SLC7A5: variants seen among roughly 807,000 people sequenced by gnomAD.
The protein encoded by SLC7A5 is large neutral amino acids transporter small subunit 1.
In SLC7A5, 23 loss-of-function variants were observed where a neutral mutation model predicts 50.2. That is an observed-to-expected ratio of 0.46 (90% confidence interval 0.33 to 0.65). The LOEUF is 0.65. Ranked by LOEUF, SLC7A5 falls within the 30% of genes least tolerant of loss-of-function variation. The pLI is 0.02. For missense variants in SLC7A5, 578 were observed against 684.4 expected (o/e 0.84, Z 1.73); for synonymous variants, 393 against 330.6 (o/e 1.19, Z -2.05).
chr16:87,844,998 G>C (rs2055132354), intron 2 of SLC7A5, among the ~76,000 whole-genome samples: 2 of 152,248 alleles, frequency 1.3e-5, no homozygotes, highest in South Asian at 4.1e-4. Flanking sequence ...CACAGAGACA[G>C]ATCCAGGGGA....
At chr16:87,842,585 T>G (rs2055095368) in intron 2 of SLC7A5, among the ~76,000 whole-genome samples, 1 of 152,252 alleles carries the variant, frequency 6.6e-6, no homozygotes, top group East Asian at 1.9e-4. Context: ...CGTGGCGTGC[T>G]GGATGCCTGC....
Position 87,861,832 on chromosome 16 carries a change from G to C in SLC7A5, c.538+7053C>G, listed in dbSNP as rs1244763652. ...TGGCTCAGGTCATGTGCTTCTGTGA[G>C]CTCCCCCTACGGCCTTGCCCCGAAT... On this transcript the variant is annotated intron_variant, in intron 1 of 9. Transcript: ENST00000261622. This position sits in a 1 kb window ranked among gnomAD's most constrained non-coding sequence, Gnocchi z 4.2. Among the ~76,000 whole-genome samples, 2 of 152,242 alleles carry C rather than the reference G, an allele frequency of 1.3e-5. No homozygotes were observed. Among genetic ancestry groups the C allele is most frequent in the Non-Finnish European group, 2.9e-5 (2 of 68,040 alleles).
At chr16:87,863,807 T>C (rs1434219789) in intron 1 of SLC7A5, among the ~76,000 whole-genome samples, 4 of 151,514 alleles carry the variant, frequency 2.6e-5, no homozygotes, top group Non-Finnish European at 2.9e-5. Flanking sequence ...CTGAGAACCT[T>C]GTTCTCAAAT....
At position 87,851,730 on chromosome 16, in the gene SLC7A5, C is replaced by T. The variant is rs547150259; in HGVS notation, c.658G>A (p.Gly220Arg). 2.2e-5 allele frequency: 35 copies of T among 1,612,490 alleles called. No homozygotes were observed. Among genetic ancestry groups the T allele is most frequent in the South Asian group, 3.3e-5 (3 of 91,062 alleles). ...GCCTGGGGGACGTACTCACCCTTCC[C>T]GATCTGGACGAAGCCCAGCAGGATG... ...LIILLGFVQI[G>R]KGDVSNLDPN... Residue 220 changes from glycine to arginine, a missense_variant, in exon 2 of 10, where the codon GGG becomes AGG. This residue lies in a region of SLC7A5 where 465 missense variants were observed against 594.6 expected (regional missense o/e 0.78). Transcript: ENST00000261622.
intron 1 of SLC7A5, among the ~76,000 whole-genome samples, chr16:87,867,815 C>A (rs913407530): frequency 1.3e-5 from 2 of 152,142 alleles, no homozygotes; most frequent in African/African-American, 4.8e-5. Flanking sequence ...CCTGAAATCC[C>A]ACAAGAAAAC....
intron 2 of SLC7A5, among the ~76,000 whole-genome samples, chr16:87,849,470 A>G (rs1659313275): frequency 1.3e-5 from 2 of 152,270 alleles, no homozygotes; most frequent in South Asian, 4.1e-4. Flanking sequence ...AAGTCGAACA[A>G]AAGCTCTTTG....
intron 1 of SLC7A5, among the ~76,000 whole-genome samples, chr16:87,855,789 C>T (rs749859266): frequency 6.6e-6 from 1 of 152,120 alleles, no homozygotes; most frequent in Non-Finnish European, 1.5e-5. Context: ...CTGTGGGCCC[C>T]GGCTGGGTGG....
intron 2 of SLC7A5, among the ~76,000 whole-genome samples, chr16:87,850,022 C>T (rs2055199913): frequency 1.3e-5 from 2 of 152,360 alleles, no homozygotes; most frequent in South Asian, 2.1e-4. Flanking sequence ...GAGCTCGCCT[C>T]GCTGTGGTGA....
chr16:87,862,141 G>T lies in SLC7A5; in HGVS notation c.538+6744C>A, dbSNP rs946705577. ...GTGGGGCTACAGGCTACAGGTGCTTGATACCCCAGGGGGGCCCTGGAACAG... is the reference window on the plus strand; with the variant it reads ...GTGGGGCTACAGGCTACAGGTGCTTTATACCCCAGGGGGGCCCTGGAACAG... On this transcript the variant is annotated intron_variant, in intron 1 of 9. Transcript: ENST00000261622. The surrounding 1 kb of genome is among the most constrained non-coding windows in gnomAD (Gnocchi z 5.3). Among the ~76,000 whole-genome samples the T allele has an allele frequency of 1.3e-5, 2 of 152,118 alleles. No homozygotes were observed. Among genetic ancestry groups the T allele is most frequent in the Non-Finnish European group, 2.9e-5 (2 of 68,004 alleles).
rs200874231 is a variant in SLC7A5 at position 87,863,982 on chromosome 16, T to TAAAA, written c.538+4899_538+4902dup. 3.7e-3 allele frequency among the ~76,000 whole-genome samples: 403 copies of TAAAA among 107,894 alleles called. 5 individuals are homozygous for TAAAA. The highest frequency in any genetic ancestry group is 0.016 in the Middle Eastern group (4 of 244). 70.8% of individuals were successfully genotyped at this position (107,894 alleles called of 152,430 possible). ...GAACCCAACCTTATGTGTGATCATT[T>TAAAA]AAAAATATATATATATATATATATA... On this transcript the variant is annotated intron_variant, in intron 1 of 9. Coordinates refer to ENST00000261622, the MANE Select transcript of SLC7A5 (RefSeq NM_003486.7).
chr16:87,868,833 A>G, intron 1 of SLC7A5, 52 bp downstream of exon 1: 1 of 1,528,106 alleles, frequency 6.5e-7, no homozygotes, highest in East Asian at 2.4e-5. Flanking sequence ...GCAAGGATGC[A>G]GGGACCCAGA....
At chr16:87,838,360 C>T (rs548002453) in intron 6 of SLC7A5, among the ~76,000 whole-genome samples, 34 of 147,246 alleles carry the variant, frequency 2.3e-4, no homozygotes, top group Admixed American at 2.0e-3. Context: ...GGCACCATCT[C>T]GGCTCACTGC....
rs77200180 is a variant in SLC7A5, at chr16:87,842,757, C to A, written c.665-1602G>T. On this transcript the variant is annotated intron_variant, in intron 2 of 9. Coordinates refer to ENST00000261622, the MANE Select transcript of SLC7A5 (RefSeq NM_003486.7). ...AAGGAGCTCCAGGGCCCACTGCCTGCGTGTGATGTATTCTGGTCACCAGGT... is the reference window on the plus strand; with the variant it reads ...AAGGAGCTCCAGGGCCCACTGCCTGAGTGTGATGTATTCTGGTCACCAGGT... Among the ~76,000 whole-genome samples the A allele has an allele frequency of 2.6e-3, 399 of 152,322 alleles. 2 individuals carry two copies. The highest frequency in any genetic ancestry group is 9.4e-3 in the African/African-American group (390 of 41,576).
rs760594861 is a variant in SLC7A5, at chr16:87,841,194, G to A, written c.665-39C>T. On this transcript the variant is annotated intron_variant, in intron 2 of 9. Coordinates refer to ENST00000261622, the MANE Select transcript of SLC7A5 (RefSeq NM_003486.7). The surrounding 1 kb of genome is among the most constrained non-coding windows in gnomAD (Gnocchi z 4.8). ...AGAAAGGAATGCTGGGTTAGAGAGC[G>A]CTGAACAGAGGTCATGCTACCAGTT... The A allele has an allele frequency of 1.7e-5, 22 of 1,326,314 alleles. No homozygotes were observed. Among genetic ancestry groups the A allele is most frequent in the Middle Eastern group, 1.8e-4 (1 of 5,550 alleles). The allele number at this position is 1,326,314 out of a possible 1,614,324, so 82.2% of individuals were successfully genotyped here.
At chr16:87,843,676 G>A (rs982011101) in intron 2 of SLC7A5, among the ~76,000 whole-genome samples, 2 of 152,108 alleles carry the variant, frequency 1.3e-5, no homozygotes, top group Non-Finnish European at 2.9e-5. Context: ...TCTGCACACC[G>A]GGAGACCTGG....
intron 2 of SLC7A5, among the ~76,000 whole-genome samples, chr16:87,845,507 C>G (rs1274542430): frequency 8.9e-6 from 1 of 112,388 alleles, no homozygotes; most frequent in Non-Finnish European, 1.8e-5. Flanking sequence ...CCCCAGAGTC[C>G]ATGCCCACTC....
rs745361425 is a variant in SLC7A5, at chr16:87,869,123, C to T, written c.300G>A (p.Ala100=). Residue 100 remains alanine (A), a synonymous_variant, in exon 1 of 10, where the codon GCG becomes GCA. Coordinates refer to ENST00000261622, the MANE Select transcript of SLC7A5 (RefSeq NM_003486.7). ...TGGTGCCGAGCTCCGCGTAGCAGAGCGCGCCCACGATGGAGAAGACGCCGC... is the reference window on the plus strand; with the variant it reads ...TGGTGCCGAGCTCCGCGTAGCAGAGTGCGCCCACGATGGAGAAGACGCCGC... The part of the protein sequence containing the change: ...AACGVFSIVG[A]LCYAELGTTI... 6.8e-6 allele frequency: 11 copies of T among 1,611,708 alleles called. No individual in the cohort carries two copies. Among genetic ancestry groups the T allele is most frequent in the African/African-American group, 1.3e-5 (1 of 74,894 alleles).
chr16:87,847,414 C>T (rs117403291), intron 2 of SLC7A5, among the ~76,000 whole-genome samples: 1,830 of 152,232 alleles, frequency 0.012, 22 homozygotes, highest in South Asian at 0.044. Context: ...ATGAGGGAGG[C>T]GGCACCTCTT....
In SLC7A5 at chr16:87,861,015, G is replaced by C. The variant is rs996020653; in HGVS notation, c.538+7870C>G. Among the ~76,000 whole-genome samples the C allele has an allele frequency of 1.3e-5, 2 of 152,230 alleles. No homozygotes were observed. Among genetic ancestry groups the C allele is most frequent in the African/African-American group, 2.4e-5 (1 of 41,456 alleles). On this transcript the variant is annotated intron_variant, in intron 1 of 9. Coordinates refer to ENST00000261622, the MANE Select transcript of SLC7A5 (RefSeq NM_003486.7). This position sits in a 1 kb window ranked among gnomAD's most constrained non-coding sequence, Gnocchi z 4.2. ...CAGTATCAGGGAAGGAGACGCTGTG[G>C]GGGGCCCTCCTGTTGGAAAAGGGCA...
Sources: gnomAD v4.1 joint callset for allele counts (sites outside exome capture counted in the v4.1 genomes callset) on GRCh38, gnomAD v4.1.1 for gene constraint, gnomAD v4.1.1 regional missense constraint, Gnocchi (gnomAD v3.1) non-coding constraint, MANE v1.5 for transcripts, NCBI Gene and HGNC (gene_info 2026-07-23, HGNC 2026-07-21) for gene names.